The following IL12RB2 variants were observed in gnomAD, a reference collection of about 807,000 sequenced individuals.
The protein encoded by IL12RB2 is interleukin-12 receptor subunit beta-2.
A neutral mutation model predicts 89.4 loss-of-function variants in IL12RB2; 82 were observed. That is an observed-to-expected ratio of 0.92 (90% confidence interval 0.77 to 1.10). The LOEUF (loss-of-function observed/expected upper bound fraction) is 1.10. IL12RB2 is among the 50% of genes least tolerant of loss of function. The pLI is 0.00. For missense variants in IL12RB2, 963 were observed against 1,031.9 expected (o/e 0.93, Z 0.92); for synonymous variants, 368 against 370.1 (o/e 0.99, Z 0.07).
rs762742625 is a variant in IL12RB2 at position 67,338,625 on chromosome 1, GC to G, written c.962del (p.Pro321LeufsTer5). On this transcript the variant is annotated frameshift_variant and splice_region_variant, in exon 9 of 17. Coordinates refer to ENST00000674203, the MANE Select transcript of IL12RB2 (RefSeq NM_001374259.2). LOFTEE classifies it high-confidence loss of function. ...SLRAQTPEEE[P>X]TGMLDVWYMK... ...GTCTTTTTTTCTCCTTTGAAACAGA[GC>G]CTACTGGGATGTTAGATGTCTGGTA... 1.7e-5 allele frequency: 24 copies of G among 1,431,932 alleles called. No individual in the cohort carries two copies. The South Asian group carries it at 2.5e-4, about 15-fold the overall frequency. The allele number at this position is 1,431,932 out of a possible 1,614,324, so 88.7% of individuals were successfully genotyped here. A position where few individuals can be genotyped will look rare whatever the true frequency, so the allele number is the denominator to read the frequency against.
intron 13 of IL12RB2, among the ~76,000 whole-genome samples, chr1:67,377,918 G>C (rs1664151926): frequency 6.6e-6 from 1 of 151,988 alleles, no homozygotes; most frequent in Non-Finnish European, 1.5e-5. Flanking sequence ...CTGAGGTCAG[G>C]AGTTCAAGAC....
intron 10 of IL12RB2, among the ~76,000 whole-genome samples, chr1:67,362,927 G>A (rs543583173): frequency 8.1e-5 from 12 of 148,646 alleles, no homozygotes; most frequent in African/African-American, 2.7e-4. Flanking sequence ...TTTTTGTGAC[G>A]GAGTCTTGCT....
At chr1:67,317,910 G>A (rs576467427) in intron 2 of IL12RB2, among the ~76,000 whole-genome samples, 12 of 152,170 alleles carry the variant, frequency 7.9e-5, no homozygotes, top group Non-Finnish European at 1.5e-4. Context: ...AAGGAATAAG[G>A]CAGTTACAGA....
At chr1:67,312,242 G>C (rs1434622679) in intron 1 of IL12RB2, among the ~76,000 whole-genome samples, 1 of 152,138 alleles carries the variant, frequency 6.6e-6, no homozygotes, top group Non-Finnish European at 1.5e-5. Context: ...TTATTTTATC[G>C]ATAGGCCTAG....
At chr1:67,392,119 A>G (rs1665898619) in intron 16 of IL12RB2, among the ~76,000 whole-genome samples, 1 of 152,202 alleles carries the variant, frequency 6.6e-6, no homozygotes, top group Non-Finnish European at 1.5e-5. Flanking sequence ...CGGGGTGAGG[A>G]GAGAGTTTCT....
intron 7 of IL12RB2, among the ~76,000 whole-genome samples, 156 bp from the exon 8 acceptor site, chr1:67,330,504 G>A (rs1268568708): frequency 6.6e-6 from 1 of 150,778 alleles, no homozygotes; most frequent in Non-Finnish European, 1.5e-5. Context: ...TATCTATTCG[G>A]TAAGACAGTC....
At chr1:67,375,273 G>A (rs1170059507) in intron 13 of IL12RB2, among the ~76,000 whole-genome samples, 1 of 152,120 alleles carries the variant, frequency 6.6e-6, no homozygotes, top group East Asian at 1.9e-4. Flanking sequence ...GTGTGTGCCT[G>A]CAATCCCAGC....
Position 67,321,738 on chromosome 1 carries a change from C to T in IL12RB2, c.213C>T (p.Tyr71=), listed in dbSNP as rs543310183. ...CCAGACGTAACAAGTTAATCCTGTA[C>T]AAGTTTGACAGAAGAATCAATTTTC... ...HYSRRNKLIL[Y]KFDRRINFHH... is the part of the protein sequence containing the mutation. The change falls in exon 4 of 17, where the codon TAC becomes TAT. Residue 71 remains tyrosine, a synonymous_variant. Transcript: ENST00000674203. 6.2e-7 allele frequency: 1 copy of T among 1,612,614 alleles called. No individual in the cohort carries two copies. The highest frequency in any genetic ancestry group is 8.5e-7 in the Non-Finnish European group (1 of 1,178,664).
intron 8 of IL12RB2, among the ~76,000 whole-genome samples, chr1:67,334,618 A>G (rs1658521994): frequency 9.1e-6 from 1 of 110,482 alleles, no homozygotes; most frequent in African/African-American, 2.6e-5. Context: ...AGCTGGGACT[A>G]CAGGCACCCC....
chr1:67,309,131 C>T (rs1654691431), intron 1 of IL12RB2, among the ~76,000 whole-genome samples: 1 of 151,882 alleles, frequency 6.6e-6, no homozygotes, highest in Non-Finnish European at 1.5e-5. Context: ...ATTTTTAAAA[C>T]TCTAGATAAT....
intron 10 of IL12RB2, among the ~76,000 whole-genome samples, chr1:67,358,181 A>G (rs1661606727): frequency 6.6e-6 from 1 of 152,246 alleles, no homozygotes; most frequent in South Asian, 2.1e-4. Context: ...TATGTCAATA[A>G]CAAAACATAT....
chr1:67,346,625 A>G (rs574757310), intron 9 of IL12RB2, among the ~76,000 whole-genome samples: 36 of 152,160 alleles, frequency 2.4e-4, no homozygotes, highest in Middle Eastern at 6.8e-3. Flanking sequence ...ACTTCAAGTG[A>G]TTTGCCCACC....
chr1:67,349,825 T>A (rs1660629270), intron 9 of IL12RB2, among the ~76,000 whole-genome samples: 1 of 152,238 alleles, frequency 6.6e-6, no homozygotes, highest in Non-Finnish European at 1.5e-5. Flanking sequence ...AGTATGCTAA[T>A]TGTTTCAGAA....
chr1:67,369,007 C>T (rs17129889), intron 11 of IL12RB2, among the ~76,000 whole-genome samples: 345 of 152,266 alleles, frequency 2.3e-3, no homozygotes, highest in African/African-American at 7.9e-3. Context: ...AATCATTACA[C>T]CTGTCTAGGA....
At position 67,363,319 on chromosome 1, in the gene IL12RB2, C is replaced by T. The variant is rs560189739; in HGVS notation, c.1259-4506C>T. Among the ~76,000 whole-genome samples, 748 of 147,778 alleles carry T rather than the reference C, an allele frequency of 5.1e-3. 8 individuals carry two copies. The highest frequency in any genetic ancestry group is 7.6e-3 in the Non-Finnish European group (510 of 67,530). On this transcript the variant is annotated intron_variant, in intron 10 of 16. Coordinates refer to ENST00000674203, the MANE Select transcript of IL12RB2 (RefSeq NM_001374259.2). ...ACAACCTCCGCCTCCCAGGTTCAAG[C>T]GATTCTCCTGCCTCAGCCTCCCTAG... is the stretch of plus-strand genomic sequence containing the variant.
chr1:67,340,705 T>C (rs2100761232), intron 9 of IL12RB2, among the ~76,000 whole-genome samples: 1 of 152,370 alleles, frequency 6.6e-6, no homozygotes, highest in East Asian at 1.9e-4. Context: ...GAGTTTATAG[T>C]GGACATCATC....
chr1:67,351,192 G>A (rs1179612495), intron 10 of IL12RB2, 103 bp downstream of exon 10: 3 of 1,550,446 alleles, frequency 1.9e-6, no homozygotes, highest in Non-Finnish European at 2.6e-6. Flanking sequence ...GTAGCTAGGA[G>A]TTCAGGCTTT....
chr1:67,341,243 C>T (rs1268986418), intron 9 of IL12RB2, among the ~76,000 whole-genome samples: 2 of 152,106 alleles, frequency 1.3e-5, no homozygotes, highest in Non-Finnish European at 1.5e-5. Context: ...CATGGTGAAA[C>T]CCTGTCTCTA....
At chr1:67,331,746 G>A (rs1658105797) in intron 8 of IL12RB2, among the ~76,000 whole-genome samples, 1 of 152,136 alleles carries the variant, frequency 6.6e-6, no homozygotes, top group Non-Finnish European at 1.5e-5. Context: ...GGCTAAGGCA[G>A]GAGAATCACT....
Sources: allele counts gnomAD v4.1 joint callset (sites outside exome capture counted in the v4.1 genomes callset), GRCh38; gene constraint gnomAD v4.1.1; transcripts MANE v1.5; gene names NCBI Gene and HGNC (gene_info 2026-07-23, HGNC 2026-07-21).